ARHGEF16: variants seen among roughly 807,000 people sequenced by gnomAD.
ARHGEF16 encodes Rho guanine exchange factor (GEF) 16.
A neutral mutation model predicts 74.1 loss-of-function variants in ARHGEF16; 59 were observed. The observed-to-expected ratio is 0.80, with a 90% CI of 0.65 to 0.99. The LOEUF (loss-of-function observed/expected upper bound fraction) is 0.99. Ranked by LOEUF, ARHGEF16 falls within the 50% of genes least tolerant of loss-of-function variation. The probability of loss-of-function intolerance (pLI) is 0.00; values close to 1 mark genes in which losing one functional copy is unlikely to be tolerated. For missense variants in ARHGEF16, 948 were observed against 986.6 expected (o/e 0.96, Z 0.52); for synonymous variants, 415 against 412.6 (o/e 1.01, Z -0.07).
chr1:3,473,337 A>G (rs1639790461), intron 7 of ARHGEF16, 56 bp from the exon 8 acceptor site: 1 of 1,579,298 alleles, frequency 6.3e-7, no homozygotes, highest in Non-Finnish European at 8.6e-7. Context: ...GTCCTGCCTG[A>G]TTTTGGTACA....
intron 1 of ARHGEF16, among the ~76,000 whole-genome samples, chr1:3,455,817 TG>T (rs1283757835): frequency 6.6e-6 from 1 of 152,132 alleles, no homozygotes; most frequent in Non-Finnish European, 1.5e-5. Flanking sequence ...AAGCAGCTCT[TG>T]GGGCCTCGGT....
intron 10 of ARHGEF16, among the ~76,000 whole-genome samples, chr1:3,476,966 C>G (rs941263227): frequency 6.6e-6 from 1 of 152,054 alleles, no homozygotes; most frequent in South Asian, 2.1e-4. Flanking sequence ...GGTGTAACGC[C>G]TGCCCCTGCC....
At chr1:3,470,614 GGTGT>G (rs745716336) in intron 6 of ARHGEF16, among the ~76,000 whole-genome samples, 66 of 150,462 alleles carry the variant, frequency 4.4e-4, no homozygotes, top group Non-Finnish European at 7.5e-4. Flanking sequence ...TGTGTGAGTG[GGTGT>G]GTGTGCGTGG....
At position 3,479,825 on chromosome 1, in the gene ARHGEF16, G is replaced by A. The variant is rs1227613456; in HGVS notation, c.1902G>A (p.Val634=). The change falls in exon 14 of 15, where the codon GTG becomes GTA. Residue 634 remains valine, a synonymous_variant. Transcript: ENST00000378378. ...TGCCCTATGCAGACCTGCCCCAGGT[G>A]GAGATCACCAAGGCCTTCTTCGCGA... The part of the protein sequence containing the change: ...GLSSKGDLPQ[V]EITKAFFAKQ... The A allele has an allele frequency of 2.5e-6, 4 of 1,612,116 alleles. No individual in the cohort carries two copies. The highest frequency in any genetic ancestry group is 4.5e-5 in the East Asian group (2 of 44,880).
In ARHGEF16 at chr1:3,480,368, T is replaced by C. The variant is rs1231637508; in HGVS notation, c.1991-80T>C. On this transcript the variant is annotated intron_variant, in intron 14 of 14. Transcript: ENST00000378378. ...TTCTAGGAGAAGCCTGGCCCTGGTGTGCTCAGGCATAGCAGCTCAGAGGGG... is the reference window on the plus strand; with the variant it reads ...TTCTAGGAGAAGCCTGGCCCTGGTGCGCTCAGGCATAGCAGCTCAGAGGGG... 5 of 1,563,960 alleles carry C rather than the reference T, an allele frequency of 3.2e-6. No individual in the cohort carries two copies. The Admixed American group carries it at 8.7e-5, about 27-fold the overall frequency.
chr1:3,474,074 A>G (rs1350917438), intron 8 of ARHGEF16: 2 of 192,012 alleles, frequency 1.0e-5, no homozygotes, highest in Middle Eastern at 2.1e-3. Flanking sequence ...CACACAATGC[A>G]TATGTATGGA....
intron 2 of ARHGEF16, 166 bp from the exon 3 acceptor site, chr1:3,465,980 CCT>C (rs1639531791): frequency 2.9e-6 from 2 of 687,066 alleles, no homozygotes; most frequent in Non-Finnish European, 5.0e-6. Context: ...CCTCCTCCCA[CCT>C]CTCTTGGCCT....
chr1:3,480,002 G>A (rs1379395361), intron 14 of ARHGEF16, 89 bp downstream of exon 14: 63 of 1,318,556 alleles, frequency 4.8e-5, no homozygotes, highest in Non-Finnish European at 5.8e-5. Context: ...AGAGCATGCC[G>A]GGCTGCAGGC....
chr1:3,480,773 G>A lies in ARHGEF16; in HGVS notation c.*186G>A, dbSNP rs1640036255. The A allele has an allele frequency of 7.1e-6, 6 of 847,390 alleles. No individual in the cohort carries two copies. Among genetic ancestry groups the A allele is most frequent in the Non-Finnish European group, 1.1e-5 (6 of 566,200 alleles). 52.5% of individuals were successfully genotyped at this position (847,390 alleles called of 1,614,324 possible). Reference sequence around the variant, plus strand: ...GGAAGGAAGATCACATGTCCCCAGAGAGGCACCCCCAGGCAAGCTCGAGGG... The same window carrying A: ...GGAAGGAAGATCACATGTCCCCAGAAAGGCACCCCCAGGCAAGCTCGAGGG... On this transcript the variant is annotated 3_prime_UTR_variant, in exon 15 of 15. Transcript: ENST00000378378.
intron 1 of ARHGEF16, 25 bp from the exon 2 acceptor site, chr1:3,463,041 G>T: frequency 7.0e-7 from 1 of 1,421,738 alleles, no homozygotes; most frequent in South Asian, 1.5e-5. Flanking sequence ...AGCCTCACGA[G>T]ACCTCACTTC....
At chr1:3,460,818 C>T (rs986179404) in intron 1 of ARHGEF16, among the ~76,000 whole-genome samples, 10 of 152,116 alleles carry the variant, frequency 6.6e-5, no homozygotes, top group Non-Finnish European at 1.2e-4. Flanking sequence ...TGTACCCTCC[C>T]GGCCAGCGTG....
At chr1:3,473,298 C>A (rs1639789215) in intron 7 of ARHGEF16, 68 bp downstream of exon 7, 4 of 1,585,978 alleles carry the variant, frequency 2.5e-6, no homozygotes, top group Admixed American at 1.7e-5. Context: ...TCCCAAAGCA[C>A]ATTCCTGCTC....
chr1:3,474,589 G>A lies in ARHGEF16; in HGVS notation c.1306-119G>A. ...GTACGTGCTGTGGGGCCCTGCAGGAGCCCCCTGGGGGCAGCTGTTGACCAC... is the reference window on the plus strand; with the variant it reads ...GTACGTGCTGTGGGGCCCTGCAGGAACCCCCTGGGGGCAGCTGTTGACCAC... On this transcript the variant is annotated intron_variant, in intron 8 of 14. Coordinates refer to ENST00000378378, the MANE Select transcript of ARHGEF16 (RefSeq NM_014448.4). The A allele has an allele frequency of 6.7e-6, 6 of 898,470 alleles. No homozygotes were observed. The South Asian group carries it at 7.3e-5, about 11-fold the overall frequency. The allele number at this position is 898,470 out of a possible 1,614,324, so 55.7% of individuals were successfully genotyped here.
At chr1:3,456,911 C>T (rs12568351) in intron 1 of ARHGEF16, among the ~76,000 whole-genome samples, 8,282 of 152,254 alleles carry the variant, frequency 0.054, 319 homozygotes, top group East Asian at 0.13. Context: ...GCCAGGTGCA[C>T]TTCCCCGCCC....
Position 3,480,113 on chromosome 1 carries a change from C to T in ARHGEF16, c.1990+200C>T, listed in dbSNP as rs1031990367. Among the ~76,000 whole-genome samples the T allele has an allele frequency of 2.0e-5, 3 of 152,338 alleles. No homozygotes were observed. In the East Asian group the frequency reaches 5.8e-4, roughly 29 times the overall value. The stretch of plus-strand genomic sequence containing the variant: ...GCAGGTTCATGGTCACTGTGTCCCA[C>T]GTGGGGAGGAGGAGGTGTCTCTGCC... On this transcript the variant is annotated intron_variant, in intron 14 of 14. Coordinates refer to ENST00000378378, the MANE Select transcript of ARHGEF16 (RefSeq NM_014448.4).
intron 1 of ARHGEF16, 139 bp from the exon 2 acceptor site, chr1:3,462,927 G>A: frequency 1.8e-6 from 1 of 541,394 alleles, no homozygotes; most frequent in Non-Finnish European, 3.1e-6. Context: ...GCTCCTGGCT[G>A]CGTCGCTGTC....
At position 3,463,207 on chromosome 1, in the gene ARHGEF16, C is replaced by G; in HGVS notation, c.123C>G (p.Ser41=). ...CCGGGCTCCCAATGGTCCGTGGCTC[C>G]CCGCGTGTTAGAGACGATGCCGCCT... is the stretch of plus-strand genomic sequence containing the variant. ...PASGLPMVRG[S]PRVRDDAAFQ... Residue 41 remains serine, a synonymous_variant, in exon 2 of 15, where the codon TCC becomes TCG. Coordinates refer to ENST00000378378, the MANE Select transcript of ARHGEF16 (RefSeq NM_014448.4). 1 of 1,545,762 alleles carries G rather than the reference C, an allele frequency of 6.5e-7. No homozygotes were observed. Among genetic ancestry groups the G allele is most frequent in the Non-Finnish European group, 8.7e-7 (1 of 1,143,626 alleles).
At chr1:3,463,855 A>C (rs1639471540) in intron 2 of ARHGEF16, among the ~76,000 whole-genome samples, 183 bp downstream of exon 2, 1 of 152,198 alleles carries the variant, frequency 6.6e-6, no homozygotes, top group Non-Finnish European at 1.5e-5. Context: ...ATCCCACCTT[A>C]CAGATGAGGC....
chr1:3,454,870 G>A (rs921832768), intron 1 of ARHGEF16, 59 bp downstream of exon 1: 1 of 152,114 alleles, frequency 6.6e-6, no homozygotes, highest in Non-Finnish European at 1.5e-5. Flanking sequence ...GGGGAGCCGG[G>A]TGGGGGGATT....
Sources: allele counts gnomAD v4.1 joint callset (sites outside exome capture counted in the v4.1 genomes callset), GRCh38; gene constraint gnomAD v4.1.1; transcripts MANE v1.5; gene names NCBI Gene and HGNC (gene_info 2026-07-23, HGNC 2026-07-21).